The following EPHA7 variants were observed in gnomAD, a reference collection of about 807,000 sequenced individuals.
EPHA7 encodes ephrin type-A receptor 7.
Under a neutral mutation model 112.6 loss-of-function variants are expected in EPHA7, and 25 were observed. The observed-to-expected ratio is 0.22, with a 90% CI of 0.16 to 0.31. EPHA7 has a LOEUF of 0.31. Ranked by LOEUF, EPHA7 falls within the 10% of genes least tolerant of loss-of-function variation. EPHA7 has a pLI of 1.00. For synonymous variants in EPHA7, 437 were observed against 406.5 expected (o/e 1.07, Z -0.90); for missense variants, 962 against 1,212.6 (o/e 0.79, Z 3.07).
intron 3 of EPHA7, among the ~76,000 whole-genome samples, chr6:93,361,668 C>G (rs2127950884): frequency 6.6e-6 from 1 of 152,170 alleles, no homozygotes. Context: ...AGTAAAAAGT[C>G]TTCAGAGGTA....
intron 3 of EPHA7, among the ~76,000 whole-genome samples, chr6:93,378,860 T>C (rs1777190137): frequency 6.6e-6 from 1 of 152,138 alleles, no homozygotes; most frequent in African/African-American, 2.4e-5. Flanking sequence ...AGATTCTGGA[T>C]TCTGCTTCTA....
At chr6:93,418,919 G>C (rs1038433256) in intron 1 of EPHA7, among the ~76,000 whole-genome samples, 2 of 152,198 alleles carry the variant, frequency 1.3e-5, no homozygotes, top group Non-Finnish European at 2.9e-5. Context: ...ACCCGCCTGA[G>C]GTACTAAGAA....
intron 5 of EPHA7, among the ~76,000 whole-genome samples, chr6:93,339,651 T>G (rs1037557151): frequency 2.6e-5 from 4 of 151,842 alleles, no homozygotes; most frequent in African/African-American, 9.7e-5. Context: ...CTTTTATGTC[T>G]ATTTTTCTCT....
At chr6:93,383,474 G>A (rs1777450432) in intron 3 of EPHA7, among the ~76,000 whole-genome samples, 1 of 151,938 alleles carries the variant, frequency 6.6e-6, no homozygotes, top group Non-Finnish European at 1.5e-5. Flanking sequence ...GCTGGTAAGT[G>A]GTAGAGTAAA....
intron 5 of EPHA7, among the ~76,000 whole-genome samples, chr6:93,321,570 C>A (rs1177726216): frequency 6.6e-6 from 1 of 151,820 alleles, no homozygotes; most frequent in African/African-American, 2.4e-5. Context: ...AATTACAAGA[C>A]AAAAATTATA....
rs867824018 is a variant in EPHA7 at position 93,389,192 on chromosome 6, T to C, written c.832+21309A>G. 1.3e-4 allele frequency among the ~76,000 whole-genome samples: 20 copies of C among 152,234 alleles called. No homozygotes were observed. In the South Asian group the frequency reaches 3.5e-3, roughly 27 times the overall value. On this transcript the variant is annotated intron_variant, in intron 3 of 16. Transcript: ENST00000369303. ...GAATAACAATTGTAGCTAACATTTA[T>C]TGATATCTTACCATGAGTTAGACAG...
At chr6:93,249,262 T>C (rs564196042) in intron 14 of EPHA7, among the ~76,000 whole-genome samples, 2 of 152,300 alleles carry the variant, frequency 1.3e-5, no homozygotes, top group African/African-American at 4.8e-5. Context: ...ATCACAAATA[T>C]ATAAGTACAG....
intron 3 of EPHA7, among the ~76,000 whole-genome samples, chr6:93,371,915 A>G (rs1776819367): frequency 6.6e-6 from 1 of 152,200 alleles, no homozygotes; most frequent in African/African-American, 2.4e-5. Flanking sequence ...AGTGGTTAAG[A>G]ACATACAGGA....
At position 93,254,725 on chromosome 6, in the gene EPHA7, A is replaced by G; in HGVS notation, c.2454T>C (p.Asp818=). ...IQYRKFTSAS[D]VWSYGIVMWE... is the part of the protein sequence containing the mutation. ...ACATGACTATTCCATAGCTCCATAC[A>G]TCACTGGCTGATGTGAATTTCCGGT... The change falls in exon 14 of 17, where the codon GAT becomes GAC. Residue 818 remains aspartate, a synonymous_variant. Transcript: ENST00000369303. 3 of 1,613,686 alleles carry G rather than the reference A, an allele frequency of 1.9e-6. No homozygotes were observed. Among genetic ancestry groups the G allele is most frequent in the South Asian group, 1.1e-5 (1 of 91,050 alleles).
intron 5 of EPHA7, among the ~76,000 whole-genome samples, chr6:93,346,707 G>T (rs905088179): frequency 3.3e-5 from 5 of 151,534 alleles, no homozygotes; most frequent in African/African-American, 1.2e-4. Context: ...CTTGCTTTTT[G>T]TATTTTTCCC....
At position 93,254,629 on chromosome 6, in the gene EPHA7, A is replaced by G; in HGVS notation, c.2532+18T>C. ...TAATGTATTCAATCCTTTTTGTTTA[A>G]ATGAATGTAACACCTACATCTTGAT... On this transcript the variant is annotated intron_variant, in intron 14 of 16. Coordinates refer to ENST00000369303, the MANE Select transcript of EPHA7 (RefSeq NM_004440.4). 6.2e-7 allele frequency: 1 copy of G among 1,606,316 alleles called. No individual in the cohort carries two copies. The highest frequency in any genetic ancestry group is 8.5e-7 in the Non-Finnish European group (1 of 1,175,300).
rs927244770 is a variant in EPHA7, at chr6:93,240,481, T to A, written c.*2945A>T. Reference sequence around the variant, plus strand: ...ACATAAGTATACAATATGATTCAACTAATAGTGCTCTGACAAGCATAAACC... The same window carrying A: ...ACATAAGTATACAATATGATTCAACAAATAGTGCTCTGACAAGCATAAACC... On this transcript the variant is annotated 3_prime_UTR_variant, in exon 17 of 17. Coordinates refer to ENST00000369303, the MANE Select transcript of EPHA7 (RefSeq NM_004440.4). 1 of 218,764 alleles carries A rather than the reference T, an allele frequency of 4.6e-6. No homozygotes were observed. The highest frequency in any genetic ancestry group is 1.9e-4 in the South Asian group (1 of 5,398). 13.6% of individuals were successfully genotyped at this position (218,764 alleles called of 1,614,324 possible). A position where few individuals can be genotyped will look rare whatever the true frequency, so the allele number is the denominator to read the frequency against.
chr6:93,405,272 T>C (rs763061012), intron 3 of EPHA7, among the ~76,000 whole-genome samples: 16 of 151,852 alleles, frequency 1.1e-4, no homozygotes, highest in Non-Finnish European at 2.1e-4. Context: ...TGATATTCTA[T>C]AGAGTAAGTT....
At chr6:93,392,837 C>T (rs755649542) in intron 3 of EPHA7, among the ~76,000 whole-genome samples, 3 of 151,674 alleles carry the variant, frequency 2.0e-5, no homozygotes, top group Non-Finnish European at 2.9e-5. Context: ...ATTTTTCAGA[C>T]AAGGACTTTA....
intron 3 of EPHA7, among the ~76,000 whole-genome samples, chr6:93,388,866 G>A (rs1333726859): frequency 6.6e-6 from 1 of 152,008 alleles, no homozygotes; most frequent in Non-Finnish European, 1.5e-5. Flanking sequence ...GAAACTATGG[G>A]AGGAAATGAT....
At chr6:93,401,538 T>A (rs1429617021) in intron 3 of EPHA7, among the ~76,000 whole-genome samples, 1 of 149,072 alleles carries the variant, frequency 6.7e-6, no homozygotes, top group African/African-American at 2.6e-5. Context: ...ACAAAAAAAA[T>A]AACATCTATA....
intron 3 of EPHA7, among the ~76,000 whole-genome samples, chr6:93,371,575 A>T (rs970392945): frequency 7.2e-5 from 11 of 152,198 alleles, no homozygotes; most frequent in African/African-American, 2.7e-4. Flanking sequence ...CATATATTTC[A>T]ATCTGAAAGA....
chr6:93,256,065 G>C (rs570676976), intron 12 of EPHA7, 28 bp from the exon 13 acceptor site: 1 of 1,600,760 alleles, frequency 6.2e-7, no homozygotes, highest in Non-Finnish European at 8.6e-7. Context: ...TAAAAGCCCA[G>C]TTAACTGCAT....
At chr6:93,372,342 A>T (rs535912828) in intron 3 of EPHA7, among the ~76,000 whole-genome samples, 1 of 152,206 alleles carries the variant, frequency 6.6e-6, no homozygotes, top group South Asian at 2.1e-4. Context: ...CAGAAAGGGG[A>T]GTTACAACCT....
Sources: allele counts gnomAD v4.1 joint callset (sites outside exome capture counted in the v4.1 genomes callset), GRCh38; gene constraint gnomAD v4.1.1; transcripts MANE v1.5; gene names NCBI Gene and HGNC (gene_info 2026-07-23, HGNC 2026-07-21).